The following SPAG17 variants were observed in gnomAD, a reference collection of about 807,000 sequenced individuals.
SPAG17 encodes the protein sperm associated antigen 17, also known as sperm-associated antigen 17.
A neutral mutation model predicts 273.6 loss-of-function variants in SPAG17; 169 were observed. The observed-to-expected ratio is 0.62, with a 90% confidence interval of 0.55 to 0.70. The LOEUF (loss-of-function observed/expected upper bound fraction) is 0.70. Among genes scored for constraint, SPAG17 ranks in the 30% least tolerant of loss-of-function variants. The pLI is 0.00. For synonymous variants in SPAG17, 825 were observed against 873.2 expected (o/e 0.94, Z 0.97); for missense variants, 2,557 against 2,627.8 (o/e 0.97, Z 0.59).
chr1:117,953,730 A>G lies in SPAG17; in HGVS notation c.*320T>C, dbSNP rs926808765. 1.3e-5 allele frequency: 8 copies of G among 631,690 alleles called. 1 individual carries two copies. The highest frequency in any genetic ancestry group is 1.0e-4 in the South Asian group (5 of 49,456). The allele number at this position is 631,690 out of a possible 1,614,324, so 39.1% of individuals were successfully genotyped here. ...GAGTAGTCCTGAATCTCTTTGATCA[A>G]TATGTGCTCCTTTCAGGTGTTCCTG... On this transcript the variant is annotated 3_prime_UTR_variant, in exon 49 of 49. Transcript: ENST00000336338.
At chr1:118,148,293 T>C (rs1421209654) in intron 3 of SPAG17, among the ~76,000 whole-genome samples, 2 of 152,180 alleles carry the variant, frequency 1.3e-5, no homozygotes, top group African/African-American at 4.8e-5. Flanking sequence ...CTTCGTGGTG[T>C]TACAGCTCTT....
intron 31 of SPAG17, 90 bp from the exon 32 acceptor site, chr1:118,005,692 A>T (rs1482457612): frequency 1.1e-6 from 1 of 917,656 alleles, no homozygotes; most frequent in East Asian, 3.0e-5. Flanking sequence ...AAGAATACCC[A>T]TAGATCCTAG....
chr1:118,051,489 C>A (rs1272471115), intron 20 of SPAG17, among the ~76,000 whole-genome samples: 1 of 151,330 alleles, frequency 6.6e-6, no homozygotes, highest in East Asian at 1.9e-4. Flanking sequence ...TGGAATCAAC[C>A]ATATCTAGGA....
intron 1 of SPAG17, among the ~76,000 whole-genome samples, chr1:118,170,438 T>C (rs967836429): frequency 2.6e-5 from 4 of 152,128 alleles, no homozygotes; most frequent in African/African-American, 4.8e-5. Flanking sequence ...CAAGACATGC[T>C]TTAAGAGAGC....
At chr1:118,040,636 C>A (rs1260852354) in intron 22 of SPAG17, 94 bp downstream of exon 22, 1 of 792,856 alleles carries the variant, frequency 1.3e-6, no homozygotes, top group Non-Finnish European at 2.2e-6. Flanking sequence ...CAGAATAACA[C>A]TCTCGCCTAT....
intron 1 of SPAG17, among the ~76,000 whole-genome samples, chr1:118,161,683 G>A (rs1343413184): frequency 2.6e-5 from 4 of 152,020 alleles, no homozygotes; most frequent in African/African-American, 7.2e-5. Context: ...GACTACAGGC[G>A]CCCGCCCCCA....
intron 45 of SPAG17, 80 bp downstream of exon 45, chr1:117,971,783 T>C (rs1654590697): frequency 8.0e-7 from 1 of 1,255,774 alleles, no homozygotes; most frequent in Non-Finnish European, 1.1e-6. Context: ...TCAATAAACA[T>C]TTATTGATGG....
intron 48 of SPAG17, 113 bp from the exon 49 acceptor site, chr1:117,954,162 T>G (rs556787707): frequency 6.4e-6 from 9 of 1,400,602 alleles, no homozygotes; most frequent in Admixed American, 2.0e-5. Flanking sequence ...GAAAAACCAT[T>G]GTTTTGGGAT....
rs752792206 is a variant in SPAG17 at position 118,031,820 on chromosome 1, G to A, written c.3481C>T (p.Leu1161Phe). ...LETILNIPSA[L>F]TPTVVPVIVT... is the part of the protein sequence containing the mutation. ...ATAACAGGAACCACTGTTGGAGTGAGTGCTGAAGGGATATTCAATATTGTT... is the reference window on the plus strand; with the variant it reads ...ATAACAGGAACCACTGTTGGAGTGAATGCTGAAGGGATATTCAATATTGTT... The change falls in exon 25 of 49, where the codon CTC becomes TTC. Residue 1161 changes from leucine (L) to phenylalanine (F), a missense_variant. Transcript: ENST00000336338. 88 of 1,612,348 alleles carry A rather than the reference G, an allele frequency of 5.5e-5. No individual in the cohort carries two copies. In the East Asian group the frequency reaches 2.0e-3, roughly 36 times the overall value.
intron 1 of SPAG17, among the ~76,000 whole-genome samples, chr1:118,156,111 T>C (rs551572223): frequency 6.6e-6 from 1 of 152,386 alleles, no homozygotes; most frequent in African/African-American, 2.4e-5. Flanking sequence ...AGACTCTAAT[T>C]ATATATCTCA....
At chr1:118,005,337 A>G in intron 32 of SPAG17, 77 bp downstream of exon 32, 1 of 1,267,948 alleles carries the variant, frequency 7.9e-7, no homozygotes, top group Non-Finnish European at 1.1e-6. Context: ...GTAAAAATCT[A>G]CATGGAAGCT....
At chr1:118,107,251 C>A (rs1656456884) in intron 4 of SPAG17, among the ~76,000 whole-genome samples, 1 of 152,042 alleles carries the variant, frequency 6.6e-6, no homozygotes, top group African/African-American at 2.4e-5. Flanking sequence ...TTCTCCATAC[C>A]TGTCTGCCTC....
intron 32 of SPAG17, among the ~76,000 whole-genome samples, 154 bp from the exon 33 acceptor site, chr1:117,996,897 C>A (rs1052292031): frequency 5.9e-5 from 9 of 152,016 alleles, no homozygotes; most frequent in African/African-American, 2.2e-4. Context: ...GTAGAGACTG[C>A]ATTAATAAAA....
chr1:118,086,660 A>T lies in SPAG17; in HGVS notation c.1611+11T>A. ...CATCGGTTTTCCTTGGGCTAACCTG[A>T]TTATTATTACCTGTAGTGCGTACTT... is the stretch of plus-strand genomic sequence containing the variant. On this transcript the variant is annotated intron_variant, in intron 12 of 48. Transcript: ENST00000336338. 6.2e-7 allele frequency: 1 copy of T among 1,612,466 alleles called. No homozygotes were observed.
chr1:118,018,917 C>A (rs1660229240), intron 28 of SPAG17, among the ~76,000 whole-genome samples: 1 of 151,162 alleles, frequency 6.6e-6, no homozygotes, highest in East Asian at 1.9e-4. Flanking sequence ...AAAGACAAGT[C>A]CCAGCTACTC....
chr1:117,985,468 T>A (rs1482119298), intron 40 of SPAG17, among the ~76,000 whole-genome samples: 1 of 152,198 alleles, frequency 6.6e-6, no homozygotes, highest in Non-Finnish European at 1.5e-5. Flanking sequence ...GCTGCAGCAA[T>A]CATTTTGCAA....
At chr1:118,151,165 TTCTA>T in intron 2 of SPAG17, 60 bp downstream of exon 2, 1 of 1,314,650 alleles carries the variant, frequency 7.6e-7, no homozygotes, top group Non-Finnish European at 1.0e-6. Context: ...TATTTTATAA[TTCTA>T]TTCTATTATT....
In SPAG17 at chr1:117,953,874, T is replaced by A. The variant is rs531363688; in HGVS notation, c.*176A>T. 2.7e-6 allele frequency: 2 copies of A among 740,980 alleles called. No homozygotes were observed. Among genetic ancestry groups the A allele is most frequent in the African/African-American group, 3.5e-5 (2 of 57,012 alleles). 45.9% of individuals were successfully genotyped at this position (740,980 alleles called of 1,614,324 possible). A position where few individuals can be genotyped will look rare whatever the true frequency, so the allele number is the denominator to read the frequency against. Reference sequence around the variant, plus strand: ...AATGTCTTTAAATGCTTTTTGGCACTCTATTCGCACGTCTTTATTAAACAG... The same window carrying A: ...AATGTCTTTAAATGCTTTTTGGCACACTATTCGCACGTCTTTATTAAACAG... On this transcript the variant is annotated 3_prime_UTR_variant, in exon 49 of 49. Coordinates refer to ENST00000336338, the MANE Select transcript of SPAG17 (RefSeq NM_206996.4).
At chr1:118,088,824 A>C (rs756810141) in intron 10 of SPAG17, among the ~76,000 whole-genome samples, 3 of 152,230 alleles carry the variant, frequency 2.0e-5, no homozygotes, top group Non-Finnish European at 2.9e-5. Flanking sequence ...AACTTAAAAG[A>C]CAAAGAGAAA....
Sources: gnomAD v4.1 joint callset for allele counts (sites outside exome capture counted in the v4.1 genomes callset) on GRCh38, gnomAD v4.1.1 for gene constraint, MANE v1.5 for transcripts, NCBI Gene and HGNC (gene_info 2026-07-23, HGNC 2026-07-21) for gene names.